PROKR2: variants seen among roughly 807,000 people sequenced by gnomAD.
The protein encoded by PROKR2 is G protein-coupled receptor 73-like 1.
A neutral mutation model predicts 23.4 loss-of-function variants in PROKR2; 26 were observed. That is an observed-to-expected ratio of 1.11 (90% confidence interval 0.81 to 1.54). PROKR2 has a LOEUF of 1.54. Ranked by LOEUF, PROKR2 falls within the 40% of genes most tolerant of loss-of-function variation. The pLI is 0.00. For synonymous variants in PROKR2, 212 were observed against 201.2 expected (o/e 1.05, Z -0.45); for missense variants, 453 against 511.5 (o/e 0.89, Z 1.10).
rs1414930601 is a variant in PROKR2, at chr20:5,314,261, T to C, written c.109A>G (p.Met37Val). 1.9e-6 allele frequency: 3 copies of C among 1,613,902 alleles called. No individual in the cohort carries two copies. The highest frequency in any genetic ancestry group is 1.6e-4 in the Middle Eastern group (1 of 6,084). ...TTGGTCATGTCCTCATCCTCATCCA[T>C]AGGGAGGTCATAATCACCATAACTG... ...NFSYGDYDLP[M>V]DEDEDMTKTR... Residue 37 changes from methionine to valine, a missense_variant, in exon 2 of 3, where the codon ATG (methionine) becomes GTG (valine). Physicochemically the swap from Met to Val is conservative, Grantham distance 21. Transcript: ENST00000678254.
In PROKR2 at chr20:5,302,387, G is replaced by T. The variant is rs777513102; in HGVS notation, c.808C>A (p.Arg270Ser). 3.1e-6 allele frequency: 5 copies of T among 1,614,092 alleles called. No individual in the cohort carries two copies. Among genetic ancestry groups the T allele is most frequent in the Non-Finnish European group, 4.2e-6 (5 of 1,180,050 alleles). The part of the protein sequence containing the change: ...TEQIRKRLRC[R>S]RKTVLVLMCI... ...ATGAGCACCAGGACCGTCTTCCTGCGGCAGCGCAGCCGCTTGCGAATCTGC... is the reference window on the plus strand; with the variant it reads ...ATGAGCACCAGGACCGTCTTCCTGCTGCAGCGCAGCCGCTTGCGAATCTGC... Residue 270 changes from arginine (R) to serine (S), a missense_variant, in exon 3 of 3, where the codon CGC (arginine) becomes AGC (serine). Physicochemically the swap from Arg to Ser is moderately radical, Grantham distance 110. Coordinates refer to ENST00000678254, the MANE Select transcript of PROKR2 (RefSeq NM_144773.4).
At chr20:5,315,874 C>G (rs1979649987) in intron 1 of PROKR2, 1 of 456,566 alleles carries the variant, frequency 2.2e-6, no homozygotes, top group Non-Finnish European at 4.4e-6. Context: ...CTTTCCAGCC[C>G]CCTAACCCAA....
chr20:5,313,911 C>T lies in PROKR2; in HGVS notation c.458+1G>A, dbSNP rs886041307. 6.2e-7 allele frequency: 1 copy of T among 1,613,868 alleles called. No homozygotes were observed. Among genetic ancestry groups the T allele is most frequent in the South Asian group, 1.1e-5 (1 of 91,062 alleles). ...CCACTCACCCCACCCACCATCCTCACCTGTCAATGGCAATGGCCAGCAAGG... is the reference window on the plus strand; with the variant it reads ...CCACTCACCCCACCCACCATCCTCATCTGTCAATGGCAATGGCCAGCAAGG... On this transcript the variant is annotated splice_donor_variant, in intron 2 of 2. Coordinates refer to ENST00000678254, the MANE Select transcript of PROKR2 (RefSeq NM_144773.4). LOFTEE classifies it high-confidence loss of function.
chr20:5,305,966 T>C (rs537923601), intron 2 of PROKR2, among the ~76,000 whole-genome samples: 11 of 152,242 alleles, frequency 7.2e-5, no homozygotes, highest in African/African-American at 2.4e-4. Context: ...GCCCTCAGAA[T>C]CAACATATGA....
In PROKR2 at chr20:5,302,182, T is replaced by G; in HGVS notation, c.1013A>C (p.Asn338Thr). Residue 338 changes from asparagine to threonine, a missense_variant, in exon 3 of 3, where the codon AAC becomes ACC. Asn to Thr is a moderately conservative substitution (Grantham distance 65, BLOSUM62 0). Coordinates refer to ENST00000678254, the MANE Select transcript of PROKR2 (RefSeq NM_144773.4). ...INTVCFVTVKNNTMKYFKKMM... is the reference protein window; with the variant it reads ...INTVCFVTVKTNTMKYFKKMM... ...CTTCTTGAAGTACTTCATGGTGTTG[T>G]TCTTGACCGTCACGAAGCACACGGT... The G allele has an allele frequency of 6.2e-7, 1 of 1,614,222 alleles. No individual in the cohort carries two copies. Among genetic ancestry groups the G allele is most frequent in the Non-Finnish European group, 8.5e-7 (1 of 1,180,030 alleles).
Position 5,301,970 on chromosome 20 carries a change from T to C in PROKR2, c.*70A>G. ...CAGATGTCATTTCCCATGCAGCCTATGAACTTGGTTGATGGTGGGTGATGC... is the reference window on the plus strand; with the variant it reads ...CAGATGTCATTTCCCATGCAGCCTACGAACTTGGTTGATGGTGGGTGATGC... On this transcript the variant is annotated 3_prime_UTR_variant, in exon 3 of 3. Transcript: ENST00000678254. 1 of 1,398,338 alleles carries C rather than the reference T, an allele frequency of 7.2e-7. No homozygotes were observed. The highest frequency in any genetic ancestry group is 1.0e-6 in the Non-Finnish European group (1 of 1,000,470). 86.6% of individuals were successfully genotyped at this position (1,398,338 alleles called of 1,614,324 possible). A position where few individuals can be genotyped will look rare whatever the true frequency, so the allele number is the denominator to read the frequency against.
At chr20:5,310,244 T>A (rs754751845) in intron 2 of PROKR2, among the ~76,000 whole-genome samples, 1 of 152,196 alleles carries the variant, frequency 6.6e-6, no homozygotes, top group African/African-American at 2.4e-5. Flanking sequence ...TCTGCTTGGA[T>A]GTGTTTCTTT....
Position 5,316,862 on chromosome 20 carries a change from GGC to G in PROKR2, c.-379_-378del, listed in dbSNP as rs1979701454. On this transcript the variant is annotated 5_prime_UTR_variant, in exon 1 of 3. Transcript: ENST00000678254. The surrounding 1 kb of genome is among the most constrained non-coding windows in gnomAD (Gnocchi z 5.0). Reference sequence around the variant, plus strand: ...CGTGCTCTCGGGCTGGTGCGTCCAGGGCGCGGGCACCGTAGCTCCGGCCGCGC... The same window carrying G: ...CGTGCTCTCGGGCTGGTGCGTCCAGGGCGGGCACCGTAGCTCCGGCCGCGC... 6.6e-6 allele frequency among the ~76,000 whole-genome samples: 1 copy of G among 152,252 alleles called. No homozygotes were observed. Among genetic ancestry groups the G allele is most frequent in the South Asian group, 2.1e-4 (1 of 4,832 alleles).
chr20:5,305,819 T>C (rs1186545410), intron 2 of PROKR2, among the ~76,000 whole-genome samples: 2 of 152,206 alleles, frequency 1.3e-5, no homozygotes, highest in Admixed American at 6.5e-5. Flanking sequence ...CTGAAGTATA[T>C]AAAAGTAGTT....
At chr20:5,306,144 T>C (rs1286026547) in intron 2 of PROKR2, among the ~76,000 whole-genome samples, 3 of 152,198 alleles carry the variant, frequency 2.0e-5, no homozygotes, top group Non-Finnish European at 4.4e-5. Context: ...GGTTAACAGA[T>C]AAACCAATTT....
rs145001640 is a variant in PROKR2 at position 5,305,623 on chromosome 20, A to C, written c.459-2887T>G. ...TTGGAAGCACAAATAAACAAGGCAA[A>C]GCAGCTTATTGGGTAAATCAAATTA... is the stretch of plus-strand genomic sequence containing the variant. On this transcript the variant is annotated intron_variant, in intron 2 of 2. Coordinates refer to ENST00000678254, the MANE Select transcript of PROKR2 (RefSeq NM_144773.4). 1.4e-4 allele frequency among the ~76,000 whole-genome samples: 22 copies of C among 152,320 alleles called. No individual in the cohort carries two copies. In the East Asian group the frequency reaches 3.9e-3, roughly 27 times the overall value.
At chr20:5,303,857 C>A (rs1317462979) in intron 2 of PROKR2, among the ~76,000 whole-genome samples, 1 of 152,046 alleles carries the variant, frequency 6.6e-6, no homozygotes, top group African/African-American at 2.4e-5. Context: ...GGTAAACAGG[C>A]CCCCCAAAAC....
At chr20:5,313,097 A>G (rs1368824354) in intron 2 of PROKR2, among the ~76,000 whole-genome samples, 2 of 152,272 alleles carry the variant, frequency 1.3e-5, no homozygotes, top group Non-Finnish European at 2.9e-5. Flanking sequence ...TTGTATACAT[A>G]CATGCATAGA....
chr20:5,315,055 C>G (rs1006478959), intron 1 of PROKR2, among the ~76,000 whole-genome samples: 1 of 152,202 alleles, frequency 6.6e-6, no homozygotes, highest in African/African-American at 2.4e-5. Flanking sequence ...TTTATGCTCT[C>G]TGAGTCCTAA....
Position 5,314,323 on chromosome 20 carries a change from G to A in PROKR2, c.47C>T (p.Pro16Leu). ...GNTSFTPNFN[P>L]PQDHASSLSF... ...GAGGGAGGAGGCATGGTCTTGGGGT[G>A]GATTAAAGTTGGGTGTGAAACTGGT... Residue 16 changes from proline (P) to leucine (L), a missense_variant, in exon 2 of 3, where the codon CCA becomes CTA. Transcript: ENST00000678254. 1.9e-6 allele frequency: 3 copies of A among 1,614,124 alleles called. No individual in the cohort carries two copies. The highest frequency in any genetic ancestry group is 1.1e-5 in the South Asian group (1 of 91,066).
Position 5,316,362 on chromosome 20 carries a change from C to A in PROKR2, c.-9+132G>T, listed in dbSNP as rs377117250. 26 of 456,692 alleles carry A rather than the reference C, an allele frequency of 5.7e-5. No individual in the cohort carries two copies. The highest frequency in any genetic ancestry group is 4.6e-4 in the African/African-American group (23 of 50,212). 28.3% of individuals were successfully genotyped at this position (456,692 alleles called of 1,614,324 possible). On this transcript the variant is annotated intron_variant, in intron 1 of 2. Coordinates refer to ENST00000678254, the MANE Select transcript of PROKR2 (RefSeq NM_144773.4). This position sits in a 1 kb window ranked among gnomAD's most constrained non-coding sequence, Gnocchi z 5.0. ...CGCCTGCTTGGAGCCAGCCCCGACGCATATCTCGAGAGTGGCGGGAGGCAA... is the reference window on the plus strand; with the variant it reads ...CGCCTGCTTGGAGCCAGCCCCGACGAATATCTCGAGAGTGGCGGGAGGCAA...
intron 2 of PROKR2, among the ~76,000 whole-genome samples, chr20:5,308,909 T>C (rs910895750): frequency 1.3e-5 from 2 of 152,216 alleles, no homozygotes; most frequent in Admixed American, 6.5e-5. Context: ...GATCATTGAA[T>C]TGCATTAGAG....
In PROKR2 at chr20:5,302,026, G is replaced by A; in HGVS notation, c.*14C>T. The A allele has an allele frequency of 6.2e-7, 1 of 1,610,698 alleles. No homozygotes were observed. The highest frequency in any genetic ancestry group is 1.3e-5 in the African/African-American group (1 of 75,000). On this transcript the variant is annotated 3_prime_UTR_variant, in exon 3 of 3. Transcript: ENST00000678254. ...GTACTGGACTGGGGTTTTCAATTGT[G>A]TGACACCAGTGGGTCACTTCAGCCT...
intron 2 of PROKR2, among the ~76,000 whole-genome samples, chr20:5,309,654 A>G (rs1333700125): frequency 6.6e-6 from 1 of 152,216 alleles, no homozygotes; most frequent in South Asian, 2.1e-4. Context: ...TAATGTGTTT[A>G]TAGATCCTGG....
Sources: allele counts gnomAD v4.1 joint callset (sites outside exome capture counted in the v4.1 genomes callset), GRCh38; gene constraint gnomAD v4.1.1; non-coding constraint Gnocchi (gnomAD v3.1); transcripts MANE v1.5; gene names NCBI Gene and HGNC (gene_info 2026-07-23, HGNC 2026-07-21).